ANO3: variants seen among roughly 807,000 people sequenced by gnomAD.
ANO3 encodes the protein anoctamin-3.
A neutral mutation model predicts 144.8 loss-of-function variants in ANO3; 99 were observed. The ratio of observed to expected loss-of-function variants is 0.68; its 90% CI spans 0.58 to 0.81. The LOEUF (loss-of-function observed/expected upper bound fraction) is 0.81. Among genes scored for constraint, ANO3 ranks in the 30% least tolerant of loss-of-function variants. ANO3 has a pLI of 0.00. For missense variants in ANO3, 905 were observed against 1,202.2 expected (o/e 0.75, Z 3.66); for synonymous variants, 414 against 392.6 (o/e 1.05, Z -0.64).
chr11:26,629,097 G>A (rs1320986918), intron 18 of ANO3, among the ~76,000 whole-genome samples: 1 of 152,040 alleles, frequency 6.6e-6, no homozygotes, highest in East Asian at 1.9e-4. Context: ...GTTCACTGTG[G>A]ACACCAGTTT....
At chr11:26,547,603 A>G (rs1258323047) in intron 12 of ANO3, 53 bp downstream of exon 12, 2 of 1,513,998 alleles carry the variant, frequency 1.3e-6, no homozygotes, top group East Asian at 4.5e-5. Flanking sequence ...CTGAATGGGC[A>G]AAAGTTTAAT....
intron 1 of ANO3, among the ~76,000 whole-genome samples, chr11:26,192,623 T>A (rs1480344392): frequency 6.6e-6 from 1 of 152,168 alleles, no homozygotes; most frequent in Non-Finnish European, 1.5e-5. Flanking sequence ...GTAGTATTCA[T>A]TCATCTTAAA....
At chr11:26,248,583 T>TGG (rs1469549927) in intron 1 of ANO3, among the ~76,000 whole-genome samples, 4 of 152,172 alleles carry the variant, frequency 2.6e-5, no homozygotes, top group Non-Finnish European at 5.9e-5. Context: ...CAAGGAATCT[T>TGG]TTCAACTTTA....
chr11:26,297,187 G>GTGTGTGTGTGTT (rs1854112031), intron 1 of ANO3, among the ~76,000 whole-genome samples: 1 of 147,878 alleles, frequency 6.8e-6, no homozygotes, highest in Admixed American at 6.7e-5. Flanking sequence ...ACCATTGCGT[G>GTGTGTGTGTGTT]TGTGTGTGTG....
chr11:26,615,757 C>T (rs1852241519), intron 17 of ANO3, among the ~76,000 whole-genome samples: 1 of 152,106 alleles, frequency 6.6e-6, no homozygotes, highest in South Asian at 2.1e-4. Context: ...TCTCCATTTT[C>T]TGCATCTTTA....
intron 14 of ANO3, among the ~76,000 whole-genome samples, chr11:26,577,181 G>C (rs1188782297): frequency 6.6e-6 from 1 of 152,172 alleles, no homozygotes; most frequent in Non-Finnish European, 1.5e-5. Context: ...CACAAGGATA[G>C]ATAAGTGGGT....
chr11:26,623,737 G>C (rs1259049064), intron 17 of ANO3, among the ~76,000 whole-genome samples: 2 of 150,788 alleles, frequency 1.3e-5, no homozygotes, highest in African/African-American at 2.4e-5. Context: ...TTCCAGTGTT[G>C]TAAAAAAAAA....
intron 13 of ANO3, among the ~76,000 whole-genome samples, chr11:26,555,130 T>G (rs749816146): frequency 2.6e-5 from 4 of 152,202 alleles, no homozygotes; most frequent in Non-Finnish European, 5.9e-5. Context: ...ATACTTTAAT[T>G]TCAGAACAAA....
At chr11:26,333,734 C>T (rs1312466974) in intron 1 of ANO3, among the ~76,000 whole-genome samples, 2 of 152,184 alleles carry the variant, frequency 1.3e-5, no homozygotes, top group Admixed American at 1.3e-4. Flanking sequence ...TAGGATGTTT[C>T]AAATATATGT....
At chr11:26,296,344 C>T (rs951739422) in intron 1 of ANO3, among the ~76,000 whole-genome samples, 4 of 151,142 alleles carry the variant, frequency 2.6e-5, no homozygotes, top group African/African-American at 4.9e-5. Context: ...AGAGATGCTC[C>T]GGCTTATCCT....
chr11:26,307,388 T>A (rs969374352), upstream of ANO3, among the ~76,000 whole-genome samples: 2 of 149,382 alleles, frequency 1.3e-5, no homozygotes, highest in Non-Finnish European at 3.0e-5. Context: ...TTTTTTAATG[T>A]CCTCCAGATG....
chr11:26,454,002 G>T (rs1187568194), intron 3 of ANO3, among the ~76,000 whole-genome samples: 31 of 152,110 alleles, frequency 2.0e-4, no homozygotes, highest in Non-Finnish European at 3.4e-4. Flanking sequence ...AATGAAGGCA[G>T]AAATAAAGAT....
Position 26,647,782 on chromosome 11 carries a change from T to G in ANO3, c.2502T>G (p.Thr834=). 6.2e-7 allele frequency: 1 copy of G among 1,613,540 alleles called. No individual in the cohort carries two copies. The highest frequency in any genetic ancestry group is 8.5e-7 in the Non-Finnish European group (1 of 1,179,618). ...VITNAFVIAI[T]SDYIPRFVYE... ...CCAATGCATTTGTAATTGCTATTACTTCTGATTACATCCCACGTTTTGTTT... is the reference window on the plus strand; with the variant it reads ...CCAATGCATTTGTAATTGCTATTACGTCTGATTACATCCCACGTTTTGTTT... The change falls in exon 24 of 27, where the codon ACT becomes ACG. Residue 834 remains threonine (T), a synonymous_variant. Coordinates refer to ENST00000256737, the MANE Select transcript of ANO3 (RefSeq NM_031418.4).
chr11:26,309,648 T>G (rs1174169199), exon 1 of ANO3: 3 of 985,392 alleles, frequency 3.0e-6, no homozygotes, highest in South Asian at 9.4e-5. Flanking sequence ...CTCACAGGTC[T>G]GCAAAAGTTG....
chr11:26,206,109 T>C (rs964237926), intron 1 of ANO3, among the ~76,000 whole-genome samples: 40 of 152,318 alleles, frequency 2.6e-4, no homozygotes, highest in African/African-American at 9.4e-4. Context: ...TTTGATTTTA[T>C]TAGTGATTTG....
intron 4 of ANO3, among the ~76,000 whole-genome samples, chr11:26,470,428 GAA>G (rs556291072): frequency 4.5e-5 from 6 of 132,246 alleles, no homozygotes; most frequent in African/African-American, 1.4e-4. Context: ...AAAAAAAACA[GAA>G]AAAAAAAAAA....
chr11:26,383,772 G>A (rs1301428297), intron 1 of ANO3, among the ~76,000 whole-genome samples: 2 of 151,242 alleles, frequency 1.3e-5, no homozygotes, highest in African/African-American at 2.4e-5. Flanking sequence ...CACTAAAACC[G>A]GCAAATAAAT....
chr11:26,194,979 T>C (rs1377556764), intron 1 of ANO3, among the ~76,000 whole-genome samples: 1 of 152,228 alleles, frequency 6.6e-6, no homozygotes, highest in Non-Finnish European at 1.5e-5. Context: ...TCTTTCTTTG[T>C]GTTACAAACA....
chr11:26,599,845 C>A, intron 17 of ANO3, 131 bp downstream of exon 17: 1 of 720,022 alleles, frequency 1.4e-6, no homozygotes, highest in East Asian at 2.8e-5. Context: ...CTGTCAATGA[C>A]AATTCAGTTT....
Sources: gnomAD v4.1 joint callset for allele counts (sites outside exome capture counted in the v4.1 genomes callset) on GRCh38, gnomAD v4.1.1 for gene constraint, MANE v1.5 for transcripts, NCBI Gene and HGNC (gene_info 2026-07-23, HGNC 2026-07-21) for gene names.